RABGAP1L: variants seen among roughly 807,000 people sequenced by gnomAD.
RABGAP1L encodes rab GTPase-activating protein 1-like.
In RABGAP1L, 63 loss-of-function variants were observed where a neutral mutation model predicts 137.7. That is an observed-to-expected ratio of 0.46 (90% CI 0.37 to 0.56). The LOEUF (loss-of-function observed/expected upper bound fraction) is 0.56, where lower values mean the gene tolerates loss of function less well. Ranked by LOEUF, RABGAP1L falls within the 20% of genes least tolerant of loss-of-function variation. RABGAP1L has a pLI of 0.00. For synonymous variants in RABGAP1L, 431 were observed against 433.7 expected (o/e 0.99, Z 0.08); for missense variants, 1,095 against 1,244.0 (o/e 0.88, Z 1.80).
At chr1:174,457,037 T>C (rs1455652620) in intron 13 of RABGAP1L, among the ~76,000 whole-genome samples, 3 of 152,278 alleles carry the variant, frequency 2.0e-5, no homozygotes, top group South Asian at 2.1e-4. Context: ...TTGAATTGTG[T>C]GAATCCAATA....
chr1:174,760,845 G>T (rs77417259), intron 18 of RABGAP1L, among the ~76,000 whole-genome samples: 8 of 151,910 alleles, frequency 5.3e-5, no homozygotes, highest in Non-Finnish European at 1.0e-4. Flanking sequence ...TTGTTTTTTG[G>T]CTTTTTAATA....
At chr1:174,840,740 T>TG (rs1439389306) in intron 19 of RABGAP1L, among the ~76,000 whole-genome samples, 1 of 149,616 alleles carries the variant, frequency 6.7e-6, no homozygotes, top group African/African-American at 2.5e-5. Flanking sequence ...TGCTTGAACC[T>TG]GGGAGGTGGA....
At chr1:174,376,342 C>T (rs1401916756) in intron 12 of RABGAP1L, among the ~76,000 whole-genome samples, 1 of 148,500 alleles carries the variant, frequency 6.7e-6, no homozygotes. Context: ...TAATTTATGT[C>T]ATTTGCTTAC....
At chr1:174,638,148 T>C (rs1211061938) in intron 14 of RABGAP1L, among the ~76,000 whole-genome samples, 1 of 152,158 alleles carries the variant, frequency 6.6e-6, no homozygotes, top group African/African-American at 2.4e-5. Context: ...ATATCTAACA[T>C]TCTAAAGAGA....
intron 13 of RABGAP1L, among the ~76,000 whole-genome samples, chr1:174,416,810 A>G (rs752963026): frequency 1.3e-5 from 2 of 152,120 alleles, no homozygotes; most frequent in African/African-American, 2.4e-5. Context: ...GAGTATGTGC[A>G]TTACGTATGT....
At chr1:174,185,805 A>G (rs558755606) in intron 1 of RABGAP1L, among the ~76,000 whole-genome samples, 1 of 152,186 alleles carries the variant, frequency 6.6e-6, no homozygotes. Context: ...CCTGGGACAG[A>G]ATTTTGCAGA....
At position 174,305,133 on chromosome 1, in the gene RABGAP1L, A is replaced by G; in HGVS notation, c.1465+6A>G. 18 of 1,522,866 alleles carry G rather than the reference A, an allele frequency of 1.2e-5. No individual in the cohort carries two copies. The highest frequency in any genetic ancestry group is 1.6e-5 in the Non-Finnish European group (18 of 1,146,826). 94.3% of individuals were successfully genotyped at this position (1,522,866 alleles called of 1,614,324 possible). Reference sequence around the variant, plus strand: ...GGATGATGAAGCAGAAGAGGGTAAGAAGTTGGACTTACTCAGTTTATTCTG... The same window carrying G: ...GGATGATGAAGCAGAAGAGGGTAAGGAGTTGGACTTACTCAGTTTATTCTG... On this transcript the variant is annotated splice_donor_region_variant and intron_variant, in intron 11 of 25. Transcript: ENST00000681986.
At chr1:174,645,022 G>A (rs995575699) in intron 14 of RABGAP1L, among the ~76,000 whole-genome samples, 5 of 151,956 alleles carry the variant, frequency 3.3e-5, no homozygotes, top group African/African-American at 1.2e-4. Context: ...TAATAAAATT[G>A]TATTGTTTTA....
chr1:174,441,899 T>G (rs902242889), intron 13 of RABGAP1L, among the ~76,000 whole-genome samples: 3 of 151,938 alleles, frequency 2.0e-5, no homozygotes, highest in Non-Finnish European at 4.4e-5. Flanking sequence ...AAGGCACTGC[T>G]TCTGAAACTC....
At chr1:174,880,250 G>A (rs1186419932) in intron 19 of RABGAP1L, among the ~76,000 whole-genome samples, 1 of 151,974 alleles carries the variant, frequency 6.6e-6, no homozygotes, top group Non-Finnish European at 1.5e-5. Flanking sequence ...ACTGAATCAG[G>A]ATAGGATAAT....
At chr1:174,757,043 A>G (rs943833749) in intron 18 of RABGAP1L, 1 of 577,262 alleles carries the variant, frequency 1.7e-6, no homozygotes, top group Non-Finnish European at 3.3e-6. Context: ...AACTTCACCA[A>G]TCCCGGCCAG....
intron 14 of RABGAP1L, among the ~76,000 whole-genome samples, chr1:174,643,286 A>G (rs1674685639): frequency 6.6e-6 from 1 of 152,156 alleles, no homozygotes; most frequent in Non-Finnish European, 1.5e-5. Context: ...GCACTTGGAC[A>G]ATCAAGCAGA....
chr1:174,766,032 A>G (rs746240682), intron 18 of RABGAP1L, among the ~76,000 whole-genome samples: 8 of 152,208 alleles, frequency 5.3e-5, no homozygotes, highest in Non-Finnish European at 1.2e-4. Flanking sequence ...TTAAGTTAAA[A>G]TGAGCTCATT....
intron 13 of RABGAP1L, among the ~76,000 whole-genome samples, chr1:174,430,515 T>G (rs16847012): frequency 5.3e-5 from 8 of 152,138 alleles, no homozygotes; most frequent in African/African-American, 1.9e-4. Context: ...GCTAATTGCA[T>G]GAATCTGGGC....
intron 11 of RABGAP1L, among the ~76,000 whole-genome samples, chr1:174,353,608 G>A (rs561111603): frequency 6.6e-6 from 1 of 152,180 alleles, no homozygotes; most frequent in Non-Finnish European, 1.5e-5. Flanking sequence ...TGACTGCTGG[G>A]ATTTCCTCTT....
chr1:174,391,611 G>T (rs1001274926), intron 12 of RABGAP1L, among the ~76,000 whole-genome samples: 7 of 152,098 alleles, frequency 4.6e-5, no homozygotes, highest in Non-Finnish European at 1.0e-4. Context: ...CAAAGTGCTG[G>T]GATTATGGAT....
intron 13 of RABGAP1L, among the ~76,000 whole-genome samples, chr1:174,487,661 A>G (rs1659802387): frequency 1.3e-5 from 2 of 151,862 alleles, no homozygotes; most frequent in African/African-American, 4.8e-5. Context: ...ACTACTGCCT[A>G]TTTGGTTTTG....
At chr1:174,582,281 G>A (rs1668802768) in intron 13 of RABGAP1L, among the ~76,000 whole-genome samples, 2 of 151,940 alleles carry the variant, frequency 1.3e-5, no homozygotes, top group African/African-American at 2.4e-5. Context: ...GTAAGACTTA[G>A]AAAAATAAAA....
chr1:174,193,337 C>T (rs1423483313), intron 1 of RABGAP1L, among the ~76,000 whole-genome samples: 1 of 152,136 alleles, frequency 6.6e-6, no homozygotes, highest in Non-Finnish European at 1.5e-5. Context: ...TTCAAGACCA[C>T]CCTTGCCAAC....
Sources: allele counts gnomAD v4.1 joint callset (sites outside exome capture counted in the v4.1 genomes callset), GRCh38; gene constraint gnomAD v4.1.1; transcripts MANE v1.5; gene names NCBI Gene and HGNC (gene_info 2026-07-23, HGNC 2026-07-21).